Variants in RNF214 observed in about 807,000 individuals in gnomAD.
RNF214 encodes the protein ring finger protein 214.
Under a neutral mutation model 75.9 loss-of-function variants are expected in RNF214, and 25 were observed. The observed-to-expected ratio is 0.33, with a 90% CI of 0.24 to 0.46. The LOEUF is 0.46. Among genes scored for constraint, RNF214 ranks in the 20% least tolerant of loss-of-function variants. The pLI is 1.00. For synonymous variants in RNF214, 314 were observed against 308.8 expected, an observed-to-expected ratio of 1.02 and a Z score of -0.18; for missense variants, 725 against 857.5, an observed-to-expected ratio of 0.85 and a Z score of 1.93.
chr11:117,282,661 C>A, intron 12 of RNF214, 85 bp from the exon 13 acceptor site: 1 of 1,544,672 alleles, frequency 6.5e-7, no homozygotes, highest in Non-Finnish European at 8.9e-7. Flanking sequence ...TTTTTCCTTT[C>A]CTGGACTGGG....
At position 117,238,896 on chromosome 11, in the gene RNF214, C is replaced by T. The variant is rs767708238; in HGVS notation, c.403C>T (p.Leu135Phe). Residue 135 changes from leucine (L) to phenylalanine (F), a missense_variant, in exon 3 of 15, where the codon CTT (leucine) becomes TTT (phenylalanine). This residue lies in a region of RNF214 where 362 missense variants were observed against 344.5 expected (regional missense o/e 1.05). Transcript: ENST00000300650. Reference protein sequence around the residue: ...RESLHPVTRSLKAGCHTKQLA... With the variant: ...RESLHPVTRSFKAGCHTKQLA... ...GAGCCTCCATCCAGTCACTCGGTCT[C>T]TTAAGGCAGGGTGCCATACTAAGCA... 3 of 1,614,188 alleles carry T rather than the reference C, an allele frequency of 1.9e-6. No individual in the cohort carries two copies. The highest frequency in any genetic ancestry group is 4.5e-5 in the East Asian group (2 of 44,888).
At position 117,269,389 on chromosome 11, in the gene RNF214, TCTCA is replaced by T. The variant is rs373600264; in HGVS notation, c.960-10515_960-10512del. 6.4e-3 allele frequency among the ~76,000 whole-genome samples: 968 copies of T among 152,216 alleles called. 11 individuals are homozygous for T. Among genetic ancestry groups the T allele is most frequent in the African/African-American group, 0.022 (927 of 41,512 alleles). On this transcript the variant is annotated intron_variant, in intron 6 of 14. Transcript: ENST00000300650. Reference sequence around the variant, plus strand: ...TTGTCTTTCTTTTTTTGAGACAAGGTCTCACTCTGTCACCCAGCCTGGAGTGCAG... The same window carrying T: ...TTGTCTTTCTTTTTTTGAGACAAGGTCTCTGTCACCCAGCCTGGAGTGCAG...
intron 4 of RNF214, 71 bp downstream of exon 4, chr11:117,239,931 G>A (rs1393291629): frequency 1.2e-6 from 1 of 820,700 alleles, no homozygotes; most frequent in Non-Finnish European, 2.1e-6. Flanking sequence ...TATCATCTCA[G>A]TTGGAAAAGG....
rs2034143126 is a variant in RNF214 at position 117,282,217 on chromosome 11, C to T, written c.1659C>T (p.Asp553=). Reference sequence around the variant, plus strand: ...AAACTCCCCGGCCCCAACCAGTAGACAAACTGGAGAAGATCCTGGAGAAGC... The same window carrying T: ...AAACTCCCCGGCCCCAACCAGTAGATAAACTGGAGAAGATCCTGGAGAAGC... ...SAETPRPQPV[D]KLEKILEKLL... The change falls in exon 11 of 15, where the codon GAC becomes GAT. Residue 553 remains aspartate, a synonymous_variant. Transcript: ENST00000300650. 6.2e-7 allele frequency: 1 copy of T among 1,610,562 alleles called. No individual in the cohort carries two copies. The highest frequency in any genetic ancestry group is 1.1e-5 in the South Asian group (1 of 90,646).
intron 6 of RNF214, among the ~76,000 whole-genome samples, chr11:117,269,793 G>A (rs189699914): frequency 6.6e-6 from 1 of 152,260 alleles, no homozygotes; most frequent in East Asian, 1.9e-4. Context: ...TATGATACTA[G>A]GAAAACAATA....
At position 117,244,431 on chromosome 11, in the gene RNF214, C is replaced by T. The variant is rs374288673; in HGVS notation, c.679-14C>T. The T allele has an allele frequency of 3.1e-6, 5 of 1,601,928 alleles. No individual in the cohort carries two copies. In the Admixed American group the frequency reaches 8.7e-5, roughly 28 times the overall value. ...AAATTAGGAAATAAGCTTTTCTTGT[C>T]TTGTTCATAATAGGATAAAATGATG... On this transcript the variant is annotated splice_polypyrimidine_tract_variant and intron_variant, in intron 4 of 14. Transcript: ENST00000300650.
At chr11:117,253,294 T>C (rs1591825837) in intron 6 of RNF214, among the ~76,000 whole-genome samples, 1 of 152,238 alleles carries the variant, frequency 6.6e-6, no homozygotes, top group East Asian at 1.9e-4. Context: ...GTGCCTGGTC[T>C]AATTATAATT....
intron 6 of RNF214, among the ~76,000 whole-genome samples, chr11:117,256,997 G>A (rs2033541818): frequency 6.6e-6 from 1 of 152,120 alleles, no homozygotes. Flanking sequence ...CAGAGACTGG[G>A]ACATCAGCCA....
chr11:117,236,634 G>T (rs1476780922), intron 2 of RNF214, among the ~76,000 whole-genome samples: 1 of 152,216 alleles, frequency 6.6e-6, no homozygotes, highest in Non-Finnish European at 1.5e-5. Context: ...CTTAACTACA[G>T]TTCCATACGT....
intron 6 of RNF214, among the ~76,000 whole-genome samples, chr11:117,278,503 G>A (rs2034061886): frequency 6.6e-6 from 1 of 152,102 alleles, no homozygotes; most frequent in East Asian, 1.9e-4. Context: ...GTTGCTTAAC[G>A]GCCTCTATAG....
At chr11:117,279,191 G>A (rs1243638275) in intron 6 of RNF214, among the ~76,000 whole-genome samples, 2 of 152,206 alleles carry the variant, frequency 1.3e-5, no homozygotes, top group Non-Finnish European at 1.5e-5. Flanking sequence ...AAATAAGAAT[G>A]CAGAATGCCA....
At chr11:117,234,124 T>C in intron 1 of RNF214, 143 bp from the exon 2 acceptor site, 1 of 638,784 alleles carries the variant, frequency 1.6e-6, no homozygotes, top group Non-Finnish European at 2.8e-6. Flanking sequence ...CTTTTAGTAC[T>C]CTTAAGTATT....
chr11:117,252,739 C>G (rs2033430551), intron 6 of RNF214, among the ~76,000 whole-genome samples: 1 of 151,660 alleles, frequency 6.6e-6, no homozygotes, highest in South Asian at 2.1e-4. Flanking sequence ...CCAGGATGGT[C>G]TCGCTCTCCT....
rs2034096781 is a variant in RNF214 at position 117,280,113 on chromosome 11, G to A, written c.1057-58G>A. On this transcript the variant is annotated intron_variant, in intron 7 of 14. Coordinates refer to ENST00000300650, the MANE Select transcript of RNF214 (RefSeq NM_207343.4). ...AGTAAGCATTTGTTTTCACTACCTA[G>A]AGGTACCTTTGTGTATGTAAAATTA... 2.0e-6 allele frequency: 3 copies of A among 1,508,152 alleles called. No homozygotes were observed. In the Admixed American group the frequency reaches 5.1e-5, roughly 26 times the overall value. The allele number at this position is 1,508,152 out of a possible 1,614,324, so 93.4% of individuals were successfully genotyped here. A position where few individuals can be genotyped will look rare whatever the true frequency, so the allele number is the denominator to read the frequency against.
chr11:117,280,982 C>CT (rs57955215), intron 8 of RNF214, among the ~76,000 whole-genome samples: 52,961 of 87,922 alleles, frequency 0.6, 17,278 homozygotes, highest in East Asian at 0.89. Context: ...AGGAATAGGG[C>CT]TTTTTTTTTT....
chr11:117,281,538 G>T (rs536677127), intron 9 of RNF214, 62 bp from the exon 10 acceptor site: 2 of 1,434,172 alleles, frequency 1.4e-6, no homozygotes, highest in Non-Finnish European at 2.0e-6. Context: ...ATAATGGATG[G>T]TGCTGTCTTT....
intron 13 of RNF214, 30 bp from the exon 14 acceptor site, chr11:117,283,085 C>A (rs1161155808): frequency 2.6e-6 from 4 of 1,531,958 alleles, no homozygotes. Flanking sequence ...AGGTTCCTTA[C>A]CTTTTGATCA....
intron 6 of RNF214, among the ~76,000 whole-genome samples, chr11:117,264,679 C>T (rs991531960): frequency 6.6e-6 from 1 of 152,108 alleles, no homozygotes; most frequent in African/African-American, 2.4e-5. Flanking sequence ...GCTATAGACA[C>T]TGCATTTGTC....
Position 117,266,489 on chromosome 11 carries a change from A to T in RNF214, c.960-13419A>T, listed in dbSNP as rs557174291. On this transcript the variant is annotated intron_variant, in intron 6 of 14. Coordinates refer to ENST00000300650, the MANE Select transcript of RNF214 (RefSeq NM_207343.4). ...ATCTTCCCGCCTCAGCCTCCCAAGT[A>T]GCTAGGACCACAGGCGTGCACCACC... Among the ~76,000 whole-genome samples, 5 of 152,038 alleles carry T rather than the reference A, an allele frequency of 3.3e-5. No individual in the cohort carries two copies. In the South Asian group the frequency reaches 1.0e-3, roughly 32 times the overall value.
Sources: gnomAD v4.1 joint callset for allele counts (sites outside exome capture counted in the v4.1 genomes callset) on GRCh38, gnomAD v4.1.1 for gene constraint, gnomAD v4.1.1 regional missense constraint, MANE v1.5 for transcripts, NCBI Gene and HGNC (gene_info 2026-07-23, HGNC 2026-07-21) for gene names.